TRPC7: variants seen among roughly 807,000 people sequenced by gnomAD.
TRPC7 encodes the protein transient receptor potential cation channel subfamily C member 7.
TRPC7 carries 42 observed loss-of-function variants against 90.1 expected under a neutral mutation model. The observed-to-expected ratio is 0.47, with a 90% CI of 0.36 to 0.60. TRPC7 has a LOEUF of 0.60. Among genes scored for constraint, TRPC7 ranks in the 20% least tolerant of loss-of-function variants. The pLI is 0.00. For synonymous variants in TRPC7, 451 were observed against 436.3 expected (o/e 1.03, Z -0.42); for missense variants, 955 against 1,112.3 (o/e 0.86, Z 2.01).
intron 1 of TRPC7, among the ~76,000 whole-genome samples, chr5:136,361,041 TAA>T (rs1440722609): frequency 1.3e-5 from 2 of 152,182 alleles, no homozygotes; most frequent in Non-Finnish European, 2.9e-5. Flanking sequence ...GTCAGAAAGA[TAA>T]AGTCACATGT....
chr5:136,279,104 T>G (rs535683590), intron 3 of TRPC7, among the ~76,000 whole-genome samples: 1 of 152,160 alleles, frequency 6.6e-6, no homozygotes. Flanking sequence ...TTAGGTCTCT[T>G]GTGCCATTGT....
At chr5:136,234,794 T>A (rs992754488) in intron 7 of TRPC7, among the ~76,000 whole-genome samples, 1 of 152,222 alleles carries the variant, frequency 6.6e-6, no homozygotes, top group African/African-American at 2.4e-5. Context: ...ACCCACATGT[T>A]CTTGTCATGA....
intron 8 of TRPC7, among the ~76,000 whole-genome samples, chr5:136,228,542 C>T (rs984544076): frequency 2.8e-5 from 4 of 143,148 alleles, no homozygotes; most frequent in African/African-American, 5.3e-5. Context: ...CGTGCAGTGG[C>T]GGCTGCTGGG....
intron 7 of TRPC7, among the ~76,000 whole-genome samples, chr5:136,238,998 T>C (rs1049251828): frequency 6.6e-6 from 1 of 152,096 alleles, no homozygotes; most frequent in Admixed American, 6.5e-5. Context: ...CATTTCCAGG[T>C]CCCCAGCCTC....
chr5:136,280,597 C>A (rs1311351350), intron 3 of TRPC7, among the ~76,000 whole-genome samples: 3 of 152,100 alleles, frequency 2.0e-5, no homozygotes, highest in African/African-American at 7.2e-5. Flanking sequence ...AAAAGGCAGA[C>A]AGGAAGAGGG....
chr5:136,266,109 T>C lies in TRPC7; in HGVS notation c.1345+111A>G. ...TCTTGTTGGTCATCCACTCACCATT[T>C]TGTCTATCAGGAGTACACTGAAGAG... is the stretch of plus-strand genomic sequence containing the variant. On this transcript the variant is annotated intron_variant, in intron 5 of 11. Coordinates refer to ENST00000513104, the MANE Select transcript of TRPC7 (RefSeq NM_020389.3). 19 of 949,532 alleles carry C rather than the reference T, an allele frequency of 2.0e-5. 1 individual carries two copies. The South Asian group carries it at 2.9e-4, about 14-fold the overall frequency. The allele number at this position is 949,532 out of a possible 1,614,324, so 58.8% of individuals were successfully genotyped here.
chr5:136,282,094 C>T (rs1176207347), intron 3 of TRPC7, among the ~76,000 whole-genome samples: 1 of 152,140 alleles, frequency 6.6e-6, no homozygotes, highest in African/African-American at 2.4e-5. Context: ...TACAAGAAAT[C>T]TGCATGGGAT....
intron 5 of TRPC7, among the ~76,000 whole-genome samples, chr5:136,255,151 T>C (rs1308180300): frequency 6.6e-6 from 1 of 152,220 alleles, no homozygotes; most frequent in Non-Finnish European, 1.5e-5. Context: ...ACAAAGGATT[T>C]AAAATATTCT....
chr5:136,246,922 C>A (rs1376562504), intron 7 of TRPC7, among the ~76,000 whole-genome samples: 2 of 152,154 alleles, frequency 1.3e-5, no homozygotes, highest in Non-Finnish European at 2.9e-5. Context: ...GAGATGTTAA[C>A]CCATTTCCCC....
In TRPC7 at chr5:136,247,819, C is replaced by T. The variant is rs1476400504; in HGVS notation, c.1580-84G>A. On this transcript the variant is annotated intron_variant, in intron 6 of 11. Transcript: ENST00000513104. This position sits in a 1 kb window ranked among gnomAD's most constrained non-coding sequence, Gnocchi z 4.2. ...CCAGTTAGGCATCTTTAGAGGTCTC[C>T]AACTGCATCATTTGCCATTCTTGTC... The T allele has an allele frequency of 3.4e-6, 5 of 1,473,074 alleles. No individual in the cohort carries two copies. The highest frequency in any genetic ancestry group is 4.6e-6 in the Non-Finnish European group (5 of 1,094,576). The allele number at this position is 1,473,074 out of a possible 1,614,324, so 91.3% of individuals were successfully genotyped here.
chr5:136,294,734 G>A (rs1032601890), intron 3 of TRPC7, among the ~76,000 whole-genome samples: 1 of 152,202 alleles, frequency 6.6e-6, no homozygotes, highest in African/African-American at 2.4e-5. Flanking sequence ...TCGGCATGGT[G>A]ATTCCTCAGG....
intron 5 of TRPC7, 67 bp from the exon 6 acceptor site, chr5:136,251,949 A>G: frequency 1.6e-6 from 2 of 1,284,974 alleles, no homozygotes; most frequent in South Asian, 1.2e-5. Context: ...GCATGAGGTC[A>G]TGGAGGGAAC....
At chr5:136,224,225 G>A (rs755213937) in intron 10 of TRPC7, among the ~76,000 whole-genome samples, 6 of 152,176 alleles carry the variant, frequency 3.9e-5, no homozygotes, top group Admixed American at 1.3e-4. Flanking sequence ...GCTGATCATC[G>A]AGAAGTGGAA....
chr5:136,234,139 CT>C (rs1240634187), intron 7 of TRPC7, among the ~76,000 whole-genome samples: 12 of 152,234 alleles, frequency 7.9e-5, no homozygotes, highest in African/African-American at 2.9e-4. Context: ...TATTTCTGTT[CT>C]GTGGTTTAAG....
intron 2 of TRPC7, among the ~76,000 whole-genome samples, chr5:136,332,558 C>T (rs1363634050): frequency 3.9e-5 from 6 of 152,122 alleles, no homozygotes; most frequent in African/African-American, 7.2e-5. Flanking sequence ...ACAAACGTGA[C>T]TTGGACCAGA....
At chr5:136,315,883 T>A (rs915263075) in intron 2 of TRPC7, 104 bp from the exon 3 acceptor site, 1 of 1,140,344 alleles carries the variant, frequency 8.8e-7, no homozygotes, top group Non-Finnish European at 1.3e-6. Flanking sequence ...CATGTGACCT[T>A]ATGGAGCACA....
intron 10 of TRPC7, among the ~76,000 whole-genome samples, chr5:136,219,519 A>G (rs552814427): frequency 2.0e-5 from 3 of 152,260 alleles, no homozygotes; most frequent in Non-Finnish European, 4.4e-5. Context: ...TAATCCTAGC[A>G]CTTTGGGATG....
intron 2 of TRPC7, among the ~76,000 whole-genome samples, chr5:136,353,551 C>CT (rs1386012101): frequency 6.6e-6 from 1 of 152,126 alleles, no homozygotes; most frequent in East Asian, 1.9e-4. Context: ...TCTTTATTTT[C>CT]TTTTTTATTA....
chr5:136,295,708 C>T (rs1758143883), intron 3 of TRPC7, among the ~76,000 whole-genome samples: 1 of 152,182 alleles, frequency 6.6e-6, no homozygotes, highest in Non-Finnish European at 1.5e-5. Context: ...CCCCTAATCT[C>T]TGCAATCTCT....
Sources: allele counts gnomAD v4.1 joint callset (sites outside exome capture counted in the v4.1 genomes callset), GRCh38; gene constraint gnomAD v4.1.1; non-coding constraint Gnocchi (gnomAD v3.1); transcripts MANE v1.5; gene names NCBI Gene and HGNC (gene_info 2026-07-23, HGNC 2026-07-21).